Variants in SLC16A4 observed in about 807,000 individuals in gnomAD.
SLC16A4 encodes solute carrier family 16 member 4, also known as probable monocarboxylate transporter 5.
In SLC16A4, 39 loss-of-function variants were observed where a neutral mutation model predicts 47.9. That is an observed-to-expected ratio of 0.81 (90% CI 0.63 to 1.06). The LOEUF (loss-of-function observed/expected upper bound fraction) is 1.06, where lower values mean the gene tolerates loss of function less well. Among genes scored for constraint, SLC16A4 ranks in the 50% least tolerant of loss-of-function variants. The pLI is 0.00. For synonymous variants in SLC16A4, 189 were observed against 199.9 expected (o/e 0.95, Z 0.46); for missense variants, 524 against 573.8 (o/e 0.91, Z 0.89).
chr1:110,372,991 T>C (rs1483067655), intron 8 of SLC16A4: 1 of 152,170 alleles, frequency 6.6e-6, no homozygotes, highest in African/African-American at 2.4e-5. Context: ...AATAAAGTGA[T>C]ATACTCTTTT....
rs1661228152 is a variant in SLC16A4, at chr1:110,364,022, C to G, written c.1337-129G>C. Reference sequence around the variant, plus strand: ...ATTTGAACTTAGTGAAGCTTCTTAGCTGCCCTATTTTTCACTGATGAAGTT... The same window carrying G: ...ATTTGAACTTAGTGAAGCTTCTTAGGTGCCCTATTTTTCACTGATGAAGTT... On this transcript the variant is annotated intron_variant, in intron 8 of 8. Coordinates refer to ENST00000369779, the MANE Select transcript of SLC16A4 (RefSeq NM_004696.3). The G allele has an allele frequency of 5.6e-6, 5 of 897,832 alleles. No homozygotes were observed. The African/African-American group carries it at 8.6e-5, about 15-fold the overall frequency. The allele number at this position is 897,832 out of a possible 1,614,324, so 55.6% of individuals were successfully genotyped here.
At chr1:110,368,030 A>G (rs1661488451) in intron 8 of SLC16A4, among the ~76,000 whole-genome samples, 1 of 152,092 alleles carries the variant, frequency 6.6e-6, no homozygotes, top group Non-Finnish European at 1.5e-5. Flanking sequence ...GGGTTTCACC[A>G]TGTTAGCCAG....
chr1:110,381,867 T>C, intron 3 of SLC16A4, 72 bp from the exon 4 acceptor site: 1 of 1,352,554 alleles, frequency 7.4e-7, no homozygotes, highest in East Asian at 2.3e-5. Context: ...GATGGCGATT[T>C]AAATGAATGA....
At chr1:110,371,576 C>T (rs1447721778) in intron 8 of SLC16A4, 1 of 152,196 alleles carries the variant, frequency 6.6e-6, no homozygotes, top group African/African-American at 2.4e-5. Context: ...AGAAATAAGG[C>T]TTAAAATATC....
At position 110,381,151 on chromosome 1, in the gene SLC16A4, A is replaced by C. The variant is rs1359862214; in HGVS notation, c.365-8T>G. ...AGAAAGCAGAACCCAAACCTAAAAG[A>C]AAAACGTAATAGTTTAGAATCACTC... On this transcript the variant is annotated splice_polypyrimidine_tract_variant and splice_region_variant and intron_variant, in intron 4 of 8. Coordinates refer to ENST00000369779, the MANE Select transcript of SLC16A4 (RefSeq NM_004696.3). 2 of 1,613,004 alleles carry C rather than the reference A, an allele frequency of 1.2e-6. No individual in the cohort carries two copies. Among genetic ancestry groups the C allele is most frequent in the South Asian group, 2.2e-5 (2 of 90,998 alleles).
chr1:110,389,582 CAAAAA>C lies in SLC16A4; in HGVS notation c.-32-232_-32-228del, dbSNP rs1265649299. Among the ~76,000 whole-genome samples the C allele has an allele frequency of 2.0e-5, 3 of 152,132 alleles. No individual in the cohort carries two copies. In the East Asian group the frequency reaches 5.8e-4, roughly 29 times the overall value. On this transcript the variant is annotated intron_variant, in intron 1 of 8. Transcript: ENST00000369779. ...CCCAAAGGAAGATAAATTGTTCTAC[CAAAAA>C]GCCACATGCACTTTTATGTTCACTG... is the stretch of plus-strand genomic sequence containing the variant.
chr1:110,383,430 G>C (rs1557913275), intron 2 of SLC16A4, among the ~76,000 whole-genome samples: 1 of 152,182 alleles, frequency 6.6e-6, no homozygotes, highest in Non-Finnish European at 1.5e-5. Context: ...GGAGGCCAGT[G>C]AGTTGGGAGT....
At chr1:110,382,666 A>C (rs1662471949) in intron 3 of SLC16A4, among the ~76,000 whole-genome samples, 168 bp downstream of exon 3, 1 of 152,158 alleles carries the variant, frequency 6.6e-6, no homozygotes, top group Non-Finnish European at 1.5e-5. Context: ...TTTGTTACTA[A>C]GTCAAGTGGA....
rs559871835 is a variant in SLC16A4, at chr1:110,383,189, C to G, written c.88-223G>C. On this transcript the variant is annotated intron_variant, in intron 2 of 8. Transcript: ENST00000369779. ...ATCTCATTTAATCCTCATTTCATGG[C>G]TTTGGAATAGGCATGCCAATGTTGT... is the stretch of plus-strand genomic sequence containing the variant. Among the ~76,000 whole-genome samples the G allele has an allele frequency of 5.3e-5, 8 of 152,258 alleles. No homozygotes were observed. In the East Asian group the frequency reaches 1.4e-3, roughly 26 times the overall value.
intron 8 of SLC16A4, among the ~76,000 whole-genome samples, chr1:110,368,097 G>C (rs1014667174): frequency 2.6e-5 from 4 of 152,164 alleles, no homozygotes; most frequent in Non-Finnish European, 5.9e-5. Flanking sequence ...CAAAGTGCTG[G>C]GATTACAGGC....
At position 110,382,854 on chromosome 1, in the gene SLC16A4, G is replaced by A. The variant is rs1255041149; in HGVS notation, c.200C>T (p.Ser67Leu). ...EQIGWIGSIM[S>L]SLRFCAGPLV... is the part of the protein sequence containing the mutation. ...TATACCTGCACAAAAACGAAGAGAT[G>A]ACATGATGGATCCAATCCAACCAAT... The change falls in exon 3 of 9, where the codon TCA (serine) becomes TTA (leucine). Residue 67 changes from serine (S) to leucine (L), a missense_variant. Coordinates refer to ENST00000369779, the MANE Select transcript of SLC16A4 (RefSeq NM_004696.3). The A allele has an allele frequency of 1.9e-6, 3 of 1,607,802 alleles. No homozygotes were observed. The African/African-American group carries it at 4.0e-5, about 22-fold the overall frequency.
At chr1:110,389,702 A>G (rs530831276) in intron 1 of SLC16A4, among the ~76,000 whole-genome samples, 2 of 152,364 alleles carry the variant, frequency 1.3e-5, no homozygotes, top group Admixed American at 6.5e-5. Context: ...CATAGACACC[A>G]TGGAATACTA....
chr1:110,364,295 G>A (rs758290197), intron 8 of SLC16A4, among the ~76,000 whole-genome samples: 15 of 152,008 alleles, frequency 9.9e-5, no homozygotes, highest in Non-Finnish European at 1.8e-4. Flanking sequence ...ATTGCTAGGT[G>A]TTGAGGATAC....
At chr1:110,381,620 C>T in intron 4 of SLC16A4, 32 bp downstream of exon 4, 1 of 1,594,536 alleles carries the variant, frequency 6.3e-7, no homozygotes, top group Non-Finnish European at 8.5e-7. Context: ...CACTCCTGGC[C>T]TTCTATGGTC....
Position 110,367,599 on chromosome 1 carries a change from G to A in SLC16A4, c.1337-3706C>T, listed in dbSNP as rs553473892. On this transcript the variant is annotated intron_variant, in intron 8 of 8. Transcript: ENST00000369779. ...TAGTCCCAGCTACTCAGGAGGCTGA[G>A]TTGGGAGGATCACTTGAGCCCAGGA... Among the ~76,000 whole-genome samples the A allele has an allele frequency of 2.0e-5, 3 of 152,276 alleles. No homozygotes were observed. In the South Asian group the frequency reaches 6.2e-4, roughly 32 times the overall value.
At chr1:110,387,453 G>T (rs530904728) in intron 2 of SLC16A4, among the ~76,000 whole-genome samples, 1 of 152,212 alleles carries the variant, frequency 6.6e-6, no homozygotes, top group Admixed American at 6.5e-5. Context: ...AGAAACAAAA[G>T]CACAGTCATT....
chr1:110,381,298 G>A (rs1462304759), intron 4 of SLC16A4, among the ~76,000 whole-genome samples, 155 bp from the exon 5 acceptor site: 4 of 149,112 alleles, frequency 2.7e-5, no homozygotes, highest in African/African-American at 1.0e-4. Context: ...ATCTTCTATG[G>A]ATGGATGCAT....
At chr1:110,383,331 C>A (rs1391653451) in intron 2 of SLC16A4, among the ~76,000 whole-genome samples, 1 of 152,144 alleles carries the variant, frequency 6.6e-6, no homozygotes. Flanking sequence ...TCCCACAGAG[C>A]CCATTGTGCA....
intron 2 of SLC16A4, among the ~76,000 whole-genome samples, chr1:110,385,622 C>T (rs1020148801): frequency 3.9e-5 from 6 of 152,198 alleles, no homozygotes; most frequent in Admixed American, 2.0e-4. Flanking sequence ...TCAGCCCCTG[C>T]TTTTAAATAA....
Sources: allele counts gnomAD v4.1 joint callset (sites outside exome capture counted in the v4.1 genomes callset), GRCh38; gene constraint gnomAD v4.1.1; transcripts MANE v1.5; gene names NCBI Gene and HGNC (gene_info 2026-07-23, HGNC 2026-07-21).